TBC1D22A: variants seen among roughly 807,000 people sequenced by gnomAD.
TBC1D22A encodes the protein TBC1 domain family member 22A, also known as putative GTPase activator.
TBC1D22A carries 38 observed loss-of-function variants against 60.2 expected under a neutral mutation model. The observed-to-expected ratio is 0.63, with a 90% confidence interval of 0.49 to 0.83. The LOEUF (loss-of-function observed/expected upper bound fraction) is 0.83, where lower values mean the gene tolerates loss of function less well. Among genes scored for constraint, TBC1D22A ranks in the 40% least tolerant of loss-of-function variants. The pLI is 0.00. For synonymous variants in TBC1D22A, 302 were observed against 281.7 expected, an observed-to-expected ratio of 1.07 and a Z score of -0.72; for missense variants, 628 against 701.0, an observed-to-expected ratio of 0.90 and a Z score of 1.18.
At chr22:47,061,025 C>G (rs1450468288) in intron 11 of TBC1D22A, among the ~76,000 whole-genome samples, 1 of 152,168 alleles carries the variant, frequency 6.6e-6, no homozygotes, top group African/African-American at 2.4e-5. Context: ...CGCATGCGAC[C>G]TCCTGGAAAG....
intron 8 of TBC1D22A, among the ~76,000 whole-genome samples, chr22:46,924,759 A>C (rs2070954125): frequency 6.6e-6 from 1 of 152,112 alleles, no homozygotes; most frequent in African/African-American, 2.4e-5. Context: ...AAAAAAACAA[A>C]AACAAAAACA....
intron 12 of TBC1D22A, among the ~76,000 whole-genome samples, chr22:47,126,462 C>T (rs1352727658): frequency 1.3e-5 from 2 of 152,194 alleles, no homozygotes; most frequent in African/African-American, 4.8e-5. Context: ...GTAGGCCCCG[C>T]CGGGGCCCAC....
chr22:46,845,539 T>A (rs2059048522), intron 4 of TBC1D22A, among the ~76,000 whole-genome samples: 1 of 152,244 alleles, frequency 6.6e-6, no homozygotes, highest in African/African-American at 2.4e-5. Context: ...TCCACGAACC[T>A]GGTGTCTGGA....
chr22:47,123,989 T>C (rs73889406), intron 12 of TBC1D22A, among the ~76,000 whole-genome samples: 3,159 of 152,252 alleles, frequency 0.021, 109 homozygotes, highest in African/African-American at 0.067. Flanking sequence ...CATGTTCTGA[T>C]GCAACACCGT....
At chr22:47,086,779 C>T (rs184891301) in intron 11 of TBC1D22A, among the ~76,000 whole-genome samples, 1 of 152,254 alleles carries the variant, frequency 6.6e-6, no homozygotes, top group African/African-American at 2.4e-5. Flanking sequence ...AGGGACCCAG[C>T]AAGAATGAGC....
intron 12 of TBC1D22A, among the ~76,000 whole-genome samples, chr22:47,138,223 G>A (rs1040458369): frequency 7.2e-5 from 11 of 152,200 alleles, no homozygotes; most frequent in South Asian, 2.1e-4. Context: ...TTATAAAAGC[G>A]ACAGCATCTG....
chr22:46,999,882 G>A (rs964439164), intron 10 of TBC1D22A, among the ~76,000 whole-genome samples: 6 of 152,110 alleles, frequency 3.9e-5, no homozygotes, highest in African/African-American at 9.7e-5. Context: ...AATATTAGCC[G>A]GGCGTGGTGG....
rs142551402 is a variant in TBC1D22A, at chr22:46,909,295, T to TACAC, written c.901-2764_901-2761dup. ...ACTGCCTAAATTCTTCCTATACACATACACACACACACACACACTCACACA... is the reference window on the plus strand; with the variant it reads ...ACTGCCTAAATTCTTCCTATACACATACACACACACACACACACACACTCACACA... On this transcript the variant is annotated intron_variant, in intron 7 of 12. Coordinates refer to ENST00000337137, the MANE Select transcript of TBC1D22A (RefSeq NM_014346.5). Among the ~76,000 whole-genome samples, 381 of 150,508 alleles carry TACAC rather than the reference T, an allele frequency of 2.5e-3. 2 individuals carry two copies. Among genetic ancestry groups the TACAC allele is most frequent in the East Asian group, 5.0e-3 (25 of 5,014 alleles).
intron 1 of TBC1D22A, among the ~76,000 whole-genome samples, chr22:46,765,153 G>A (rs1385071575): frequency 6.6e-6 from 1 of 152,222 alleles, no homozygotes; most frequent in African/African-American, 2.4e-5. Flanking sequence ...ACTGAAGAGG[G>A]CAGAAGAAGA....
At chr22:47,078,815 A>G (rs1603243425) in intron 11 of TBC1D22A, among the ~76,000 whole-genome samples, 2 of 152,204 alleles carry the variant, frequency 1.3e-5, no homozygotes, top group African/African-American at 4.8e-5. Flanking sequence ...TCTAAGGTCT[A>G]TCACATGGTA....
At chr22:46,794,887 TC>T (rs1243785505) in intron 3 of TBC1D22A, among the ~76,000 whole-genome samples, 3 of 152,182 alleles carry the variant, frequency 2.0e-5, no homozygotes, top group South Asian at 2.1e-4. Flanking sequence ...TCCAAGGTCT[TC>T]TGGGGGCTAG....
chr22:46,806,042 G>T (rs890087542), intron 4 of TBC1D22A, among the ~76,000 whole-genome samples: 1 of 151,732 alleles, frequency 6.6e-6, no homozygotes, highest in Non-Finnish European at 1.5e-5. Context: ...TAGTAGAGAC[G>T]GGGTTTCACC....
intron 8 of TBC1D22A, among the ~76,000 whole-genome samples, chr22:46,912,530 A>G (rs78905339): frequency 4.7e-3 from 589 of 125,752 alleles, no homozygotes; most frequent in South Asian, 0.01. Context: ...CATTCAGTCA[A>G]TCAGTCTGTC....
At chr22:47,084,336 A>G (rs2064593966) in intron 11 of TBC1D22A, among the ~76,000 whole-genome samples, 1 of 152,216 alleles carries the variant, frequency 6.6e-6, no homozygotes, top group Non-Finnish European at 1.5e-5. Context: ...CTGATTCTCC[A>G]GGGGTGACGA....
chr22:47,093,943 G>A (rs560411205), intron 11 of TBC1D22A, among the ~76,000 whole-genome samples: 5 of 152,334 alleles, frequency 3.3e-5, no homozygotes, highest in African/African-American at 1.2e-4. Flanking sequence ...GGGTGCTGCA[G>A]CCCAGGAGGT....
intron 10 of TBC1D22A, among the ~76,000 whole-genome samples, chr22:47,003,522 T>A (rs1197623091): frequency 9.9e-6 from 1 of 100,590 alleles, no homozygotes; most frequent in Non-Finnish European, 2.0e-5. Flanking sequence ...CAGATACATA[T>A]ACACACACCC....
At chr22:46,928,187 G>A (rs1010440079) in intron 8 of TBC1D22A, among the ~76,000 whole-genome samples, 4 of 151,780 alleles carry the variant, frequency 2.6e-5, no homozygotes, top group Non-Finnish European at 4.4e-5. Flanking sequence ...TTATTACAAA[G>A]CTACATTAAT....
intron 12 of TBC1D22A, among the ~76,000 whole-genome samples, chr22:47,165,628 C>T (rs1478959773): frequency 4.6e-5 from 7 of 152,128 alleles, no homozygotes; most frequent in Non-Finnish European, 7.4e-5. Context: ...ACAGGGTTGC[C>T]GGGCTTGCTG....
chr22:46,825,408 A>G (rs376208279), intron 4 of TBC1D22A, among the ~76,000 whole-genome samples: 1 of 152,188 alleles, frequency 6.6e-6, no homozygotes, highest in Non-Finnish European at 1.5e-5. Context: ...CAGGAGATGC[A>G]GAGAACTTTG....
Sources: gnomAD v4.1 joint callset for allele counts (sites outside exome capture counted in the v4.1 genomes callset) on GRCh38, gnomAD v4.1.1 for gene constraint, MANE v1.5 for transcripts, NCBI Gene and HGNC (gene_info 2026-07-23, HGNC 2026-07-21) for gene names.